Variants in ZFAND5 observed in about 807,000 individuals in gnomAD.
ZFAND5 encodes the protein zinc finger AN1-type containing 5, also known as AN1-type zinc finger protein 5.
Under a neutral mutation model 23.6 loss-of-function variants are expected in ZFAND5, and 4 were observed. The ratio of observed to expected loss-of-function variants is 0.17; its 90% CI spans 0.08 to 0.39. The LOEUF (loss-of-function observed/expected upper bound fraction) is 0.39, where lower values mean the gene tolerates loss of function less well. Among genes scored for constraint, ZFAND5 ranks in the 10% least tolerant of loss-of-function variants. The probability of loss-of-function intolerance (pLI) is 1.00; values close to 1 mark genes in which losing one functional copy is unlikely to be tolerated. For missense variants in ZFAND5, 161 were observed against 253.7 expected, an observed-to-expected ratio of 0.63 and a Z score of 2.48; for synonymous variants, 68 against 80.6, an observed-to-expected ratio of 0.84 and a Z score of 0.84.
At chr9:72,364,388 CGGGCGCCGCCGCGGAGGCGAGCG>C (rs1174395535) in intron 1 of ZFAND5, 1 of 1,178,386 alleles carries the variant, frequency 8.5e-7, no homozygotes, top group Non-Finnish European at 1.1e-6. Flanking sequence ...GTGCCCACGC[CGGGCGCCGCCGCGGAGGCGAGCG>C]GCCTAGAGGC....
chr9:72,362,320 T>C (rs185980514), intron 2 of ZFAND5, among the ~76,000 whole-genome samples: 39 of 152,302 alleles, frequency 2.6e-4, no homozygotes, highest in African/African-American at 8.7e-4. Context: ...AAAAAATGCT[T>C]TCAAATGATA....
chr9:72,361,432 T>C (rs1842098455), intron 2 of ZFAND5, among the ~76,000 whole-genome samples: 1 of 152,206 alleles, frequency 6.6e-6, no homozygotes, highest in Non-Finnish European at 1.5e-5. Context: ...TCCTTTTACG[T>C]TCTCCATTTG....
At chr9:72,362,925 AAGC>A (rs1842146953) in intron 2 of ZFAND5, among the ~76,000 whole-genome samples, 1 of 152,138 alleles carries the variant, frequency 6.6e-6, no homozygotes, top group African/African-American at 2.4e-5. Context: ...TTATATCTCA[AAGC>A]CTGCCAACTC....
At position 72,359,978 on chromosome 9, in the gene ZFAND5, G is replaced by A. The variant is rs1405938187; in HGVS notation, c.263+132C>T. On this transcript the variant is annotated intron_variant, in intron 4 of 6. Transcript: ENST00000376962. ...CACATCTTTACTCAATGACTTAAGA[G>A]TCATGTATTAAAAGACACTGAAATC... The A allele has an allele frequency of 1.3e-5, 9 of 673,204 alleles. No individual in the cohort carries two copies. The African/African-American group carries it at 1.5e-4, about 11-fold the overall frequency. The allele number at this position is 673,204 out of a possible 1,614,324, so 41.7% of individuals were successfully genotyped here.
intron 2 of ZFAND5, among the ~76,000 whole-genome samples, chr9:72,361,435 T>TC: frequency 6.6e-6 from 1 of 152,200 alleles, no homozygotes; most frequent in South Asian, 2.1e-4. Flanking sequence ...TTTTACGTTC[T>TC]CCATTTGAAG....
At chr9:72,358,322 G>GT (rs1302564474) in intron 5 of ZFAND5, among the ~76,000 whole-genome samples, 1 of 152,066 alleles carries the variant, frequency 6.6e-6, no homozygotes, top group African/African-American at 2.4e-5. Context: ...TAGAGGGAGG[G>GT]TGTCAGCCAT....
In ZFAND5 at chr9:72,360,231, A is replaced by T. The variant is rs1223741100; in HGVS notation, c.152-10T>A. The T allele has an allele frequency of 1.2e-6, 2 of 1,605,126 alleles. No individual in the cohort carries two copies. The highest frequency in any genetic ancestry group is 3.5e-5 in the Admixed American group (2 of 57,836). ...GAACCACTAGCTGTTCCTATTTAAA[A>T]AAAGGATTTGTAAGGAACCAATGAA... On this transcript the variant is annotated splice_polypyrimidine_tract_variant and intron_variant, in intron 3 of 6. Coordinates refer to ENST00000376962, the MANE Select transcript of ZFAND5 (RefSeq NM_001102420.3).
At chr9:72,361,762 G>C (rs1842110634) in intron 2 of ZFAND5, among the ~76,000 whole-genome samples, 1 of 152,162 alleles carries the variant, frequency 6.6e-6, no homozygotes, top group Non-Finnish European at 1.5e-5. Flanking sequence ...CTCTGGATGA[G>C]AAAATACATA....
Position 72,353,428 on chromosome 9 carries a change from C to T in ZFAND5, c.*2525G>A, listed in dbSNP as rs60269629. 4,609 of 152,400 alleles carry T rather than the reference C, an allele frequency of 0.03. 224 individuals are homozygous for T. Among genetic ancestry groups the T allele is most frequent in the African/African-American group, 0.1 (4,326 of 41,534 alleles). 9.4% of individuals were successfully genotyped at this position (152,400 alleles called of 1,614,324 possible). ...CGGTGCCTCACGCCTGTAATCCCAGCACTTTGGGAGGCCGAGGCGGGCAGC... is the reference window on the plus strand; with the variant it reads ...CGGTGCCTCACGCCTGTAATCCCAGTACTTTGGGAGGCCGAGGCGGGCAGC... On this transcript the variant is annotated 3_prime_UTR_variant, in exon 7 of 7. Transcript: ENST00000376962.
intron 1 of ZFAND5, 49 bp downstream of exon 1, chr9:72,364,647 G>C: frequency 8.6e-7 from 1 of 1,158,144 alleles, no homozygotes; most frequent in South Asian, 1.6e-5. Flanking sequence ...CCCGCCCCCG[G>C]CCCGGCAACA....
Position 72,352,563 on chromosome 9 carries a change from G to T in ZFAND5, c.*3390C>A, listed in dbSNP as rs1290446725. The T allele has an allele frequency of 6.6e-6, 1 of 152,168 alleles. No individual in the cohort carries two copies. Among genetic ancestry groups the T allele is most frequent in the Non-Finnish European group, 1.5e-5 (1 of 68,036 alleles). 9.4% of individuals were successfully genotyped at this position (152,168 alleles called of 1,614,324 possible). Reference sequence around the variant, plus strand: ...TATGCTTAACATCTTGCTATTATTAGATTATTTCCCCAATTTTAGTTATTT... The same window carrying T: ...TATGCTTAACATCTTGCTATTATTATATTATTTCCCCAATTTTAGTTATTT... On this transcript the variant is annotated 3_prime_UTR_variant, in exon 7 of 7. Transcript: ENST00000376962.
At chr9:72,356,212 A>G in intron 6 of ZFAND5, 111 bp from the exon 7 acceptor site, 1 of 1,332,548 alleles carries the variant, frequency 7.5e-7, no homozygotes. Context: ...GTAACATAAA[A>G]GACAGTGAAC....
intron 3 of ZFAND5, 187 bp downstream of exon 3, chr9:72,360,441 T>A: frequency 1.1e-6 from 1 of 875,874 alleles, no homozygotes; most frequent in Non-Finnish European, 1.7e-6. Flanking sequence ...ACTGAAAAGC[T>A]ATAAGATGCT....
chr9:72,360,210 C>T lies in ZFAND5; in HGVS notation c.163G>A (p.Gly55Ser). 6.2e-7 allele frequency: 1 copy of T among 1,610,540 alleles called. No homozygotes were observed. Among genetic ancestry groups the T allele is most frequent in the Non-Finnish European group, 8.5e-7 (1 of 1,178,642 alleles). The change falls in exon 4 of 7, where the codon GGT (glycine) becomes AGT (serine). Residue 55 changes from glycine (G) to serine (S), a missense_variant. Gly to Ser is a moderately conservative substitution (Grantham distance 56). Coordinates refer to ENST00000376962, the MANE Select transcript of ZFAND5 (RefSeq NM_001102420.3). ...GRMSPMGTAS[G>S]SNSPTSDSAS... ...GAATCTGAGGTAGGACTGTTGGAAC[C>T]ACTAGCTGTTCCTATTTAAAAAAAG...
Position 72,360,157 on chromosome 9 carries a change from G to C in ZFAND5, c.216C>G (p.Ser72Arg). The change falls in exon 4 of 7, where the codon AGC (serine) becomes AGG (arginine). Residue 72 changes from serine (S) to arginine (R), a missense_variant. Ser to Arg is a moderately radical substitution (Grantham distance 110). Around this residue, in one of 3 missense-constraint regions of ZFAND5, gnomAD observed 116 missense variants for 115.2 expected, o/e 1.01. Transcript: ENST00000376962. ...CAGCAGCACCTTCACAGTTGTTTAAGCTAGTGTCTGCTCTCTGTACAGATG... is the reference window on the plus strand; with the variant it reads ...CAGCAGCACCTTCACAGTTGTTTAACCTAGTGTCTGCTCTCTGTACAGATG... The part of the protein sequence containing the change: ...DSASVQRADT[S>R]LNNCEGAAGS... 2.5e-6 allele frequency: 4 copies of C among 1,612,822 alleles called. No individual in the cohort carries two copies. Among genetic ancestry groups the C allele is most frequent in the Non-Finnish European group, 3.4e-6 (4 of 1,179,334 alleles).
At position 72,364,687 on chromosome 9, in the gene ZFAND5, A is replaced by C. The variant is rs1273221289; in HGVS notation, c.-147+9T>G. 51 of 1,039,232 alleles carry C rather than the reference A, an allele frequency of 4.9e-5. No individual in the cohort carries two copies. The highest frequency in any genetic ancestry group is 5.4e-5 in the Non-Finnish European group (45 of 828,030). 64.4% of individuals were successfully genotyped at this position (1,039,232 alleles called of 1,614,324 possible). A position where few individuals can be genotyped will look rare whatever the true frequency, so the allele number is the denominator to read the frequency against. Reference sequence around the variant, plus strand: ...GCCCGGCTCCCACCCGCAGCCCCGTATCACTCACCCTGCAGGGTCCCAAAT... The same window carrying C: ...GCCCGGCTCCCACCCGCAGCCCCGTCTCACTCACCCTGCAGGGTCCCAAAT... On this transcript the variant is annotated intron_variant, in intron 1 of 6. Coordinates refer to ENST00000376962, the MANE Select transcript of ZFAND5 (RefSeq NM_001102420.3).
At position 72,354,777 on chromosome 9, in the gene ZFAND5, C is replaced by A. The variant is rs1401332146; in HGVS notation, c.*1176G>T. On this transcript the variant is annotated 3_prime_UTR_variant, in exon 7 of 7. Transcript: ENST00000376962. ...ACAAGTTTCATACATCACAAAAAACCTTCCATTATAACACAGAAGTGATTA... is the reference window on the plus strand; with the variant it reads ...ACAAGTTTCATACATCACAAAAAACATTCCATTATAACACAGAAGTGATTA... 1 of 152,516 alleles carries A rather than the reference C, an allele frequency of 6.6e-6. No homozygotes were observed. 9.4% of individuals were successfully genotyped at this position (152,516 alleles called of 1,614,324 possible).
chr9:72,361,724 C>T (rs1157608416), intron 2 of ZFAND5, among the ~76,000 whole-genome samples: 3 of 152,144 alleles, frequency 2.0e-5, no homozygotes, highest in South Asian at 2.1e-4. Context: ...CTTGTTAAAA[C>T]GCTGTGCTAA....
rs757238241 is a variant in ZFAND5, at chr9:72,357,065, G to C, written c.368-9C>G. 1.2e-6 allele frequency: 2 copies of C among 1,605,658 alleles called. No homozygotes were observed. The highest frequency in any genetic ancestry group is 1.7e-6 in the Non-Finnish European group (2 of 1,176,366). On this transcript the variant is annotated splice_polypyrimidine_tract_variant and intron_variant, in intron 5 of 6. Transcript: ENST00000376962. The stretch of plus-strand genomic sequence containing the variant: ...ACTGGGCTGAGTGACAACTGAAAAG[G>C]ACAAAAACACAAATTTGTCAAGCAT...
Sources: allele counts gnomAD v4.1 joint callset (sites outside exome capture counted in the v4.1 genomes callset), GRCh38; gene constraint gnomAD v4.1.1; regional missense constraint gnomAD v4.1.1; transcripts MANE v1.5; gene names NCBI Gene and HGNC (gene_info 2026-07-23, HGNC 2026-07-21).